PRKAR1A: variants seen among roughly 807,000 people sequenced by gnomAD.
PRKAR1A encodes the protein cAMP-dependent protein kinase type I-alpha regulatory subunit.
In PRKAR1A, 3 loss-of-function variants were observed where a neutral mutation model predicts 52.0. The ratio of observed to expected loss-of-function variants is 0.06; its 90% CI spans 0.03 to 0.15. The LOEUF is 0.15. Ranked by LOEUF, PRKAR1A falls within the 10% of genes least tolerant of loss-of-function variation. PRKAR1A has a pLI of 1.00. For missense variants in PRKAR1A, 240 were observed against 477.4 expected (o/e 0.50, Z 4.63); for synonymous variants, 188 against 168.4 (o/e 1.12, Z -0.90).
the PRKAR1A span, among the ~76,000 whole-genome samples, chr17:68,483,466 G>T: frequency 3.3e-5 from 5 of 151,984 alleles, no homozygotes; most frequent in African/African-American, 1.2e-4. Context: ...GGGAAATAGA[G>T]CAAGACTCCG....
the PRKAR1A span, among the ~76,000 whole-genome samples, chr17:68,494,203 C>T: frequency 9.9e-5 from 15 of 152,260 alleles, no homozygotes; most frequent in South Asian, 3.1e-3. Flanking sequence ...GGGTTTAATT[C>T]CCTTCCCCTT....
chr17:68,536,022 G>A, downstream of PRKAR1A: 1 of 454,152 alleles, frequency 2.2e-6, no homozygotes, highest in South Asian at 1.6e-5. Context: ...TGTTGCTTCT[G>A]TAGCGTTGGT....
chr17:68,426,294 T>A, the PRKAR1A span: 1 of 785,370 alleles, frequency 1.3e-6, no homozygotes. Flanking sequence ...GCTGTCTGTC[T>A]TCCCCCTGGA....
chr17:68,508,459 T>C (rs1483904317), upstream of PRKAR1A, among the ~76,000 whole-genome samples: 1 of 152,196 alleles, frequency 6.6e-6, no homozygotes, highest in Non-Finnish European at 1.5e-5. Flanking sequence ...TTCTCACTTA[T>C]AAGTGGGAGC....
intron 11 of PRKAR1A, chr17:68,543,737 G>A (rs2086418221): frequency 1.2e-6 from 2 of 1,604,654 alleles, no homozygotes; most frequent in South Asian, 1.1e-5. Context: ...AGGAAGGAAG[G>A]AATCACGCCC....
intron 2 of PRKAR1A, among the ~76,000 whole-genome samples, chr17:68,516,739 C>A (rs980467956): frequency 3.6e-4 from 53 of 146,812 alleles, no homozygotes; most frequent in Non-Finnish European, 5.1e-4. Context: ...AAAAAAAAAA[C>A]AAAAACAACT....
chr17:68,486,591 T>C, the PRKAR1A span, among the ~76,000 whole-genome samples: 9 of 149,404 alleles, frequency 6.0e-5, no homozygotes, highest in African/African-American at 2.2e-4. Flanking sequence ...CTTCCTTCCT[T>C]CTTCTGCTTT....
At chr17:68,540,531 T>C (rs1039575729) in intron 11 of PRKAR1A, 2 of 492,908 alleles carry the variant, frequency 4.1e-6, no homozygotes, top group Admixed American at 2.3e-5. Flanking sequence ...ATTTGTGTAC[T>C]TTCTTCCCTT....
chr17:68,477,189 T>C, the PRKAR1A span, among the ~76,000 whole-genome samples: 1 of 152,164 alleles, frequency 6.6e-6, no homozygotes. Flanking sequence ...AAACCTTTAT[T>C]CCTTTATTCG....
At chr17:68,498,219 G>GT in the PRKAR1A span, among the ~76,000 whole-genome samples, 1 of 152,078 alleles carries the variant, frequency 6.6e-6, no homozygotes, top group Non-Finnish European at 1.5e-5. Flanking sequence ...CCTTGCCTTC[G>GT]TTTTCACTTT....
At chr17:68,494,787 C>T in the PRKAR1A span, among the ~76,000 whole-genome samples, 3 of 152,188 alleles carry the variant, frequency 2.0e-5, no homozygotes, top group East Asian at 5.8e-4. Flanking sequence ...TTCAGACCAG[C>T]CCATCCTCCA....
intron 2 of PRKAR1A, 127 bp from the exon 3 acceptor site, chr17:68,522,629 C>T: frequency 1.9e-6 from 2 of 1,054,214 alleles, no homozygotes; most frequent in Non-Finnish European, 2.8e-6. Flanking sequence ...TTGGTGTTTT[C>T]CTCTTAACTT....
At chr17:68,435,862 T>C in the PRKAR1A span, 5 of 704,504 alleles carry the variant, frequency 7.1e-6, no homozygotes, top group Non-Finnish European at 1.2e-5. Flanking sequence ...ATGTAAGCTG[T>C]GTGTCATTTT....
chr17:68,542,131 G>C, intron 11 of PRKAR1A: 1 of 1,614,132 alleles, frequency 6.2e-7, no homozygotes, highest in African/African-American at 1.3e-5. Context: ...TCTTGCACAT[G>C]TATGGACACT....
At chr17:68,434,338 A>G in the PRKAR1A span, among the ~76,000 whole-genome samples, 1 of 152,148 alleles carries the variant, frequency 6.6e-6, no homozygotes, top group South Asian at 2.1e-4. Flanking sequence ...TCAAAAAGGG[A>G]CTCTCACGGC....
At chr17:68,528,791 G>A in intron 8 of PRKAR1A, 79 bp from the exon 9 acceptor site, 6 of 1,571,288 alleles carry the variant, frequency 3.8e-6, no homozygotes, top group Non-Finnish European at 5.3e-6. Flanking sequence ...CTATTTGGTT[G>A]AATCTCTTTA....
rs181937755 is a variant in PRKAR1A, at chr17:68,525,649, A to G, written c.550-105A>G. On this transcript the variant is annotated intron_variant, in intron 6 of 10. Transcript: ENST00000589228. The stretch of plus-strand genomic sequence containing the variant: ...GCAAACATAATATATTCTGTTTTTT[A>G]AAACAAAGTTCAGGATTGTGACCTT... The G allele has an allele frequency of 4.8e-5, 62 of 1,289,902 alleles. No individual in the cohort carries two copies. In the African/African-American group the frequency reaches 7.3e-4, roughly 15 times the overall value. 79.9% of individuals were successfully genotyped at this position (1,289,902 alleles called of 1,614,324 possible).
rs188352567 is a variant in PRKAR1A at position 68,532,826 on chromosome 17, C to T, written c.*2377C>T. ...CGTCTTTCCTCTCTCTGTCCTTCCC[C>T]GAAAGTCTACTCGGGTGGGCAAAAA... On this transcript the variant is annotated 3_prime_UTR_variant, in exon 11 of 11. Coordinates refer to ENST00000589228, the MANE Select transcript of PRKAR1A (RefSeq NM_002734.5). The T allele has an allele frequency of 2.7e-4, 283 of 1,066,316 alleles. 2 individuals are homozygous for T. In the African/African-American group the frequency reaches 4.2e-3, roughly 16 times the overall value. The allele number at this position is 1,066,316 out of a possible 1,614,324, so 66.1% of individuals were successfully genotyped here.
the PRKAR1A span, among the ~76,000 whole-genome samples, chr17:68,417,733 A>ATTTTTTTTTTTTTTTTTTT: frequency 8.2e-5 from 5 of 60,788 alleles, 2 homozygotes; most frequent in African/African-American, 1.2e-4. Context: ...GAGTTGCTGA[A>ATTTTTTTTTTTTTTTTTTT]TTTTTTTTTT....
Sources: gnomAD v4.1 joint callset for allele counts (sites outside exome capture counted in the v4.1 genomes callset) on GRCh38, gnomAD v4.1.1 for gene constraint, MANE v1.5 for transcripts, NCBI Gene and HGNC (gene_info 2026-07-23, HGNC 2026-07-21) for gene names.